TVP23A: variants seen among roughly 807,000 people sequenced by gnomAD.
The protein encoded by TVP23A is Golgi apparatus membrane protein TVP23 homolog A.
Under a neutral mutation model 31.7 loss-of-function variants are expected in TVP23A, and 21 were observed. The observed-to-expected ratio is 0.66, with a 90% confidence interval of 0.47 to 0.95. TVP23A has a LOEUF of 0.95. TVP23A is among the 40% of genes least tolerant of loss of function. The pLI is 0.00. For missense variants in TVP23A, 279 were observed against 255.6 expected (o/e 1.09, Z -0.62); for synonymous variants, 104 against 96.0 (o/e 1.08, Z -0.49).
At chr16:10,808,476 C>A in intron 2 of TVP23A, 1 of 453,964 alleles carries the variant, frequency 2.2e-6, no homozygotes, top group South Asian at 1.6e-5. Flanking sequence ...ATATGACATT[C>A]ACTAGGCTGA....
chr16:10,807,738 C>T (rs2034010222), intron 2 of TVP23A, among the ~76,000 whole-genome samples: 1 of 152,126 alleles, frequency 6.6e-6, no homozygotes, highest in Non-Finnish European at 1.5e-5. Flanking sequence ...AAAGTACTCC[C>T]CAGGGTAAGC....
intron 2 of TVP23A, among the ~76,000 whole-genome samples, chr16:10,780,089 AAATG>A (rs4028816): frequency 0.65 from 96,301 of 148,908 alleles, 31,565 homozygotes; most frequent in South Asian, 0.74. Context: ...CTCCATCTCA[AAATG>A]AATGAATGAA....
intron 2 of TVP23A, among the ~76,000 whole-genome samples, chr16:10,798,751 C>T (rs574071489): frequency 6.6e-6 from 1 of 152,078 alleles, no homozygotes; most frequent in East Asian, 1.9e-4. Context: ...GCAACCTCCA[C>T]CTCCCGGGTT....
intron 2 of TVP23A, among the ~76,000 whole-genome samples, chr16:10,775,744 C>CTTTTTT (rs1004091841): frequency 8.1e-4 from 77 of 94,498 alleles, no homozygotes; most frequent in African/African-American, 1.7e-3. Context: ...AATTGCTTTT[C>CTTTTTT]TTTTTTTTTT....
rs1038686483 is a variant in TVP23A at position 10,796,578 on chromosome 16, G to A, written c.90-21482C>T. ...CTCCCAAGTAGCTGGGACTACAGGC[G>A]CCCACGACCATGCCCAGCTAATATT... On this transcript the variant is annotated intron_variant, in intron 2 of 7. Transcript: ENST00000299866. Among the ~76,000 whole-genome samples the A allele has an allele frequency of 5.9e-5, 9 of 151,840 alleles. No individual in the cohort carries two copies. In the South Asian group the frequency reaches 1.2e-3, roughly 21 times the overall value.
chr16:10,761,360 G>T (rs760431991), exon 9 of TVP23A: 2 of 1,613,184 alleles, frequency 1.2e-6, no homozygotes, highest in Non-Finnish European at 1.7e-6. Context: ...TTTCACCTTC[G>T]TAGGAGGTGT....
rs372153579 is a variant in TVP23A, at chr16:10,818,224, G to A, written c.10-42C>T. ...GGCAGGTGGCAGGCCCAAGCACGGC[G>A]CACACCCCAACCCCACCCGCCCTGT... On this transcript the variant is annotated intron_variant, in intron 1 of 7. Transcript: ENST00000299866. The surrounding 1 kb of genome is among the most constrained non-coding windows in gnomAD (Gnocchi z 4.7). The A allele has an allele frequency of 5.3e-6, 8 of 1,522,300 alleles. No homozygotes were observed. In the South Asian group the frequency reaches 6.0e-5, roughly 11 times the overall value. 94.3% of individuals were successfully genotyped at this position (1,522,300 alleles called of 1,614,324 possible). A position where few individuals can be genotyped will look rare whatever the true frequency, so the allele number is the denominator to read the frequency against.
chr16:10,764,581 G>T (rs1429456413), downstream of TVP23A, among the ~76,000 whole-genome samples: 2 of 150,062 alleles, frequency 1.3e-5, no homozygotes, highest in East Asian at 4.0e-4. Flanking sequence ...GCTGGAGTAT[G>T]TCAGTCTATT....
intron 2 of TVP23A, among the ~76,000 whole-genome samples, chr16:10,816,804 C>T (rs1283562594): frequency 6.6e-6 from 1 of 151,984 alleles, no homozygotes; most frequent in Non-Finnish European, 1.5e-5. Context: ...AGCACACCAA[C>T]ATGGCACATG....
At chr16:10,812,030 AT>A (rs1273183516) in intron 2 of TVP23A, among the ~76,000 whole-genome samples, 1 of 152,150 alleles carries the variant, frequency 6.6e-6, no homozygotes, top group Non-Finnish European at 1.5e-5. Context: ...GAAAATATTA[AT>A]ATACAGAATA....
chr16:10,757,814 A>C, downstream of TVP23A: 1 of 1,568,376 alleles, frequency 6.4e-7, no homozygotes, highest in Non-Finnish European at 8.7e-7. The surrounding 1 kb of genome is among the most constrained non-coding windows in gnomAD (Gnocchi z 4.1). Context: ...AAAAAGAGGG[A>C]GTTGAAAGTA....
downstream of TVP23A, among the ~76,000 whole-genome samples, chr16:10,763,040 G>A (rs771260706): frequency 1.3e-5 from 2 of 152,086 alleles, no homozygotes; most frequent in African/African-American, 2.4e-5. Flanking sequence ...ACACACACAA[G>A]AGAGAAAGTG....
intron 2 of TVP23A, among the ~76,000 whole-genome samples, chr16:10,791,227 T>C (rs1160976796): frequency 6.6e-6 from 1 of 152,156 alleles, no homozygotes; most frequent in Non-Finnish European, 1.5e-5. Flanking sequence ...TAACGCTCTT[T>C]TTGGACATCC....
At position 10,770,194 on chromosome 16, in the gene TVP23A, C is replaced by T. The variant is rs563692755; in HGVS notation, c.*78G>A. The stretch of plus-strand genomic sequence containing the variant: ...GAACAGGGGAAGCCCACCCAGACCC[C>T]GGGCCCCTGTGCCCCAAGAGCTGCA... On this transcript the variant is annotated intron_variant, in intron 7 of 7. Coordinates refer to ENST00000299866, the MANE Select transcript of TVP23A (RefSeq NM_001079512.4). The T allele has an allele frequency of 1.3e-4, 205 of 1,525,468 alleles. No homozygotes were observed. In the African/African-American group the frequency reaches 2.2e-3, roughly 16 times the overall value. 94.5% of individuals were successfully genotyped at this position (1,525,468 alleles called of 1,614,324 possible).
intron 2 of TVP23A, among the ~76,000 whole-genome samples, chr16:10,813,534 A>G (rs2034294002): frequency 6.6e-6 from 1 of 152,214 alleles, no homozygotes; most frequent in Non-Finnish European, 1.5e-5. Flanking sequence ...GCTTGAGTCC[A>G]GGAGTTTGAG....
intron 2 of TVP23A, among the ~76,000 whole-genome samples, chr16:10,803,190 A>G (rs1290495299): frequency 6.6e-6 from 1 of 151,112 alleles, no homozygotes; most frequent in Non-Finnish European, 1.5e-5. Context: ...AGGCTGAGGC[A>G]GGAGAATCAC....
chr16:10,773,497 C>A, intron 4 of TVP23A, 56 bp from the exon 5 acceptor site: 1 of 1,525,366 alleles, frequency 6.6e-7, no homozygotes. Context: ...TGCAAACGAG[C>A]GTGCTCACAT....
chr16:10,769,416 G>A (rs1282978863), intron 7 of TVP23A: 1 of 313,840 alleles, frequency 3.2e-6, no homozygotes, highest in Non-Finnish European at 5.8e-6. Context: ...CTGCTGTGTC[G>A]GAAGCTTAGT....
intron 2 of TVP23A, among the ~76,000 whole-genome samples, chr16:10,807,300 G>A (rs1381753346): frequency 1.3e-5 from 2 of 152,178 alleles, no homozygotes; most frequent in Admixed American, 6.5e-5. Context: ...CCACCAAGGT[G>A]TCATCAATAC....
Sources: allele counts gnomAD v4.1 joint callset (sites outside exome capture counted in the v4.1 genomes callset), GRCh38; gene constraint gnomAD v4.1.1; non-coding constraint Gnocchi (gnomAD v3.1); transcripts MANE v1.5; gene names NCBI Gene and HGNC (gene_info 2026-07-23, HGNC 2026-07-21).